The following NPEPL1 variants were observed in gnomAD, a reference collection of about 807,000 sequenced individuals.
The protein encoded by NPEPL1 is probable aminopeptidase NPEPL1.
NPEPL1 carries 45 observed loss-of-function variants against 52.4 expected under a neutral mutation model. That is an observed-to-expected ratio of 0.86 (90% CI 0.68 to 1.10). The LOEUF (loss-of-function observed/expected upper bound fraction) is 1.10, where lower values mean the gene tolerates loss of function less well. Among genes scored for constraint, NPEPL1 ranks in the 50% least tolerant of loss-of-function variants. NPEPL1 has a pLI of 0.00. For missense variants in NPEPL1, 696 were observed against 710.9 expected (o/e 0.98, Z 0.24); for synonymous variants, 360 against 314.7 (o/e 1.14, Z -1.52).
intron 2 of NPEPL1, 45 bp from the exon 3 acceptor site, chr20:58,694,377 G>A (rs376578021): frequency 6.2e-5 from 96 of 1,548,648 alleles, no homozygotes; most frequent in Non-Finnish European, 7.6e-5. Context: ...GCACTCCCTG[G>A]TGGCGGCCCT....
chr20:58,714,731 C>T, intron 11 of NPEPL1, 61 bp downstream of exon 11: 1 of 1,326,638 alleles, frequency 7.5e-7, no homozygotes, highest in Non-Finnish European at 1.0e-6. Flanking sequence ...AAACAGCGCC[C>T]CTCTGGCTCT....
chr20:58,714,152 C>T, intron 10 of NPEPL1, 59 bp downstream of exon 10: 2 of 1,498,136 alleles, frequency 1.3e-6, no homozygotes, highest in Non-Finnish European at 1.8e-6. Flanking sequence ...GCAGGCGGAG[C>T]CCTGCCTTCA....
rs899130358 is a variant in NPEPL1 at position 58,696,104 on chromosome 20, C to T, written c.507+1512C>T. Among the ~76,000 whole-genome samples the T allele has an allele frequency of 5.3e-5, 8 of 152,214 alleles. No individual in the cohort carries two copies. The South Asian group carries it at 8.3e-4, about 16-fold the overall frequency. On this transcript the variant is annotated intron_variant, in intron 3 of 11. Coordinates refer to ENST00000356091, the MANE Select transcript of NPEPL1 (RefSeq NM_024663.4). ...TGCCATCCAGGTGGGCACGGGTGCC[C>T]GCAGAGCCCACCGGGGGCTCAAGCA...
chr20:58,714,236 C>T (rs960688677), intron 10 of NPEPL1, 143 bp downstream of exon 10: 23 of 874,288 alleles, frequency 2.6e-5, no homozygotes, highest in African/African-American at 3.8e-5. Flanking sequence ...GAGAGGCAGG[C>T]GTCAGGGCAC....
chr20:58,712,078 G>A (rs1467722044), intron 7 of NPEPL1, among the ~76,000 whole-genome samples: 6 of 151,368 alleles, frequency 4.0e-5, no homozygotes, highest in African/African-American at 7.3e-5. Context: ...AAACTTCCAC[G>A]AGGCTGAGCT....
At chr20:58,708,770 C>T (rs370878629) in intron 7 of NPEPL1, among the ~76,000 whole-genome samples, 8 of 152,142 alleles carry the variant, frequency 5.3e-5, no homozygotes, top group African/African-American at 1.9e-4. Context: ...GATGGGCTCA[C>T]CAGAAGAATG....
chr20:58,707,402 C>T (rs544289741), intron 7 of NPEPL1, among the ~76,000 whole-genome samples: 25 of 152,326 alleles, frequency 1.6e-4, no homozygotes, highest in Non-Finnish European at 3.5e-4. Flanking sequence ...TGGGAGGCCC[C>T]GAGGGCAAGG....
intron 1 of NPEPL1, 175 bp from the exon 2 acceptor site, chr20:58,693,562 T>C: frequency 1.8e-6 from 1 of 564,640 alleles, no homozygotes; most frequent in African/African-American, 1.9e-5. Flanking sequence ...CTAGAGACAG[T>C]TAGCTCTGCA....
upstream of NPEPL1, chr20:58,691,063 T>C (rs1471897888): frequency 2.8e-6 from 2 of 702,322 alleles, no homozygotes; most frequent in Non-Finnish European, 2.6e-6. Context: ...GCCTTCTTTC[T>C]CAATCTCTTC....
rs944636720 is a variant in NPEPL1, at chr20:58,703,469, G to C, written c.822+2311G>C. ...CCTGGTACTGGCTGCTCCCACCCTC[G>C]CACGCACCCTCAATACCCACGGTCA... On this transcript the variant is annotated intron_variant, in intron 6 of 11. Coordinates refer to ENST00000356091, the MANE Select transcript of NPEPL1 (RefSeq NM_024663.4). The C allele has an allele frequency of 6.8e-5, 67 of 978,326 alleles. 1 individual carries two copies. Among genetic ancestry groups the C allele is most frequent in the Non-Finnish European group, 8.0e-5 (66 of 829,712 alleles). 60.6% of individuals were successfully genotyped at this position (978,326 alleles called of 1,614,324 possible).
chr20:58,707,057 G>A (rs2084749506), intron 6 of NPEPL1, 66 bp from the exon 7 acceptor site: 2 of 1,485,992 alleles, frequency 1.3e-6, no homozygotes, highest in Admixed American at 2.0e-5. Context: ...GGGGGTGGGG[G>A]GCTTCCGCTG....
chr20:58,710,478 C>T (rs960241955), intron 7 of NPEPL1, among the ~76,000 whole-genome samples: 3 of 150,682 alleles, frequency 2.0e-5, no homozygotes, highest in South Asian at 2.1e-4. Context: ...GGGGTGTTAG[C>T]GACCCTCCAA....
Position 58,713,422 on chromosome 20 carries a change from C to T in NPEPL1, c.1004C>T (p.Thr335Met), listed in dbSNP as rs370361897. 44 of 1,604,608 alleles carry T rather than the reference C, an allele frequency of 2.7e-5. No homozygotes were observed. Among genetic ancestry groups the T allele is most frequent in the Middle Eastern group, 1.7e-4 (1 of 6,046 alleles). ...CGGGGATCTCTACCATGCCCCAGGA[C>T]GGTGGAAATCAACAACACGGATGCC... ...DDIHLLYSGK[T>M]VEINNTDAEG... is the part of the protein sequence containing the mutation. Residue 335 changes from threonine (T) to methionine (M), a missense_variant and splice_region_variant, in exon 9 of 12, where the codon ACG becomes ATG. Transcript: ENST00000356091. This position sits in a 1 kb window ranked among gnomAD's most constrained non-coding sequence, Gnocchi z 4.6.
At chr20:58,696,145 A>G (rs1349216319) in intron 3 of NPEPL1, among the ~76,000 whole-genome samples, 1 of 152,156 alleles carries the variant, frequency 6.6e-6, no homozygotes, top group East Asian at 1.9e-4. Flanking sequence ...CTTATTTCCG[A>G]GGACAGCAGG....
intron 5 of NPEPL1, among the ~76,000 whole-genome samples, 192 bp downstream of exon 5, chr20:58,699,470 G>C (rs1167346292): frequency 1.3e-5 from 2 of 152,176 alleles, no homozygotes; most frequent in African/African-American, 2.4e-5. Flanking sequence ...GAGAAGGGGA[G>C]GCAATCCAGA....
chr20:58,697,302 C>T (rs1025356352), intron 3 of NPEPL1, among the ~76,000 whole-genome samples: 6 of 152,232 alleles, frequency 3.9e-5, no homozygotes, highest in South Asian at 2.1e-4. Flanking sequence ...CCGAGCTCGC[C>T]GTGGTCTGGG....
chr20:58,713,682 C>A lies in NPEPL1; in HGVS notation c.1125+139C>A. The stretch of plus-strand genomic sequence containing the variant: ...ACTGGGCACGAGGAGGCAGGAGGAG[C>A]TGCCCGTCAAGCTTGGTGTGGGCAG... On this transcript the variant is annotated intron_variant, in intron 9 of 11. Coordinates refer to ENST00000356091, the MANE Select transcript of NPEPL1 (RefSeq NM_024663.4). This position sits in a 1 kb window ranked among gnomAD's most constrained non-coding sequence, Gnocchi z 4.6. 7.7e-7 allele frequency: 1 copy of A among 1,297,674 alleles called. No individual in the cohort carries two copies. The allele number at this position is 1,297,674 out of a possible 1,614,324, so 80.4% of individuals were successfully genotyped here.
At chr20:58,693,714 C>G in intron 1 of NPEPL1, 23 bp from the exon 2 acceptor site, 1 of 1,583,942 alleles carries the variant, frequency 6.3e-7, no homozygotes, top group Non-Finnish European at 8.6e-7. Flanking sequence ...GCCTCTGTGT[C>G]TTGTCTCTCC....
At chr20:58,698,329 C>G (rs1253434221) in intron 3 of NPEPL1, among the ~76,000 whole-genome samples, 1 of 151,948 alleles carries the variant, frequency 6.6e-6, no homozygotes, top group Non-Finnish European at 1.5e-5. Context: ...CAGGGGCTGG[C>G]ATGAGGGCCA....
Sources: allele counts gnomAD v4.1 joint callset (sites outside exome capture counted in the v4.1 genomes callset), GRCh38; gene constraint gnomAD v4.1.1; non-coding constraint Gnocchi (gnomAD v3.1); transcripts MANE v1.5; gene names NCBI Gene and HGNC (gene_info 2026-07-23, HGNC 2026-07-21).